LRP1B: variants seen among roughly 807,000 people sequenced by gnomAD.
The protein encoded by LRP1B is LDL receptor related protein 1B, also known as low-density lipoprotein receptor-related protein 1B.
Under a neutral mutation model 556.6 loss-of-function variants are expected in LRP1B, and 217 were observed. The ratio of observed to expected loss-of-function variants is 0.39; its 90% CI spans 0.35 to 0.44. LRP1B has a LOEUF of 0.44. LRP1B is among the 20% of genes least tolerant of loss of function. The probability of loss-of-function intolerance (pLI) is 1.00; values close to 1 mark genes in which losing one functional copy is unlikely to be tolerated. For missense variants in LRP1B, 5,053 were observed against 5,620.8 expected (o/e 0.90, Z 3.23); for synonymous variants, 2,047 against 1,865.8 (o/e 1.10, Z -2.50).
chr2:141,857,090 A>G (rs1698076955), intron 1 of LRP1B, among the ~76,000 whole-genome samples: 1 of 152,098 alleles, frequency 6.6e-6, no homozygotes, highest in African/African-American at 2.4e-5. Context: ...GGCCTGTTGT[A>G]TAATAGCCAT....
chr2:142,130,785 C>G lies in LRP1B; in HGVS notation c.-56G>C. 6.9e-7 allele frequency: 1 copy of G among 1,458,626 alleles called. No homozygotes were observed. The allele number at this position is 1,458,626 out of a possible 1,614,324, so 90.4% of individuals were successfully genotyped here. ...GAGACTGCTCGGCGGCACCTTCGGC[C>G]CGGCGGCGGCGGCGGCGGCAGGGGC... is the stretch of plus-strand genomic sequence containing the variant. On this transcript the variant is annotated 5_prime_UTR_variant, in exon 1 of 91. Coordinates refer to ENST00000389484, the MANE Select transcript of LRP1B (RefSeq NM_018557.3).
At chr2:141,522,855 C>G (rs187782862) in intron 2 of LRP1B, among the ~76,000 whole-genome samples, 32 of 152,258 alleles carry the variant, frequency 2.1e-4, no homozygotes, top group African/African-American at 7.0e-4. Context: ...GTGAGCAATA[C>G]CACTTGAGCA....
intron 6 of LRP1B, among the ~76,000 whole-genome samples, chr2:141,222,612 T>C (rs1364338431): frequency 6.6e-6 from 1 of 151,978 alleles, no homozygotes; most frequent in Non-Finnish European, 1.5e-5. Flanking sequence ...CCAATGAACA[T>C]CAATGCAAAA....
chr2:141,244,281 T>C (rs1683990572), intron 5 of LRP1B, among the ~76,000 whole-genome samples: 1 of 152,214 alleles, frequency 6.6e-6, no homozygotes, highest in African/African-American at 2.4e-5. Flanking sequence ...TTGATATTTT[T>C]ATAGTATCCT....
chr2:141,622,288 A>G (rs543767470), intron 2 of LRP1B, among the ~76,000 whole-genome samples: 1 of 152,330 alleles, frequency 6.6e-6, no homozygotes, highest in African/African-American at 2.4e-5. Context: ...AAAATTCTAC[A>G]TTATACAATT....
At chr2:141,314,895 CAT>C (rs751592864) in intron 3 of LRP1B, among the ~76,000 whole-genome samples, 1,687 of 133,090 alleles carry the variant, frequency 0.013, 19 homozygotes, top group African/African-American at 0.029. Context: ...TACATATATA[CAT>C]ATATATATAT....
intron 7 of LRP1B, among the ~76,000 whole-genome samples, chr2:141,066,367 C>T (rs1396310482): frequency 6.6e-6 from 1 of 151,854 alleles, no homozygotes; most frequent in African/African-American, 2.4e-5. Flanking sequence ...TAAGAAACTT[C>T]GAGTATTATT....
chr2:141,584,544 A>T (rs1040933138), intron 2 of LRP1B, among the ~76,000 whole-genome samples: 15 of 152,220 alleles, frequency 9.9e-5, no homozygotes, highest in Non-Finnish European at 1.3e-4. Flanking sequence ...ACAACTTTTA[A>T]TATTTATGAT....
chr2:141,684,608 G>GA (rs571227186), intron 2 of LRP1B, among the ~76,000 whole-genome samples: 1,647 of 150,770 alleles, frequency 0.011, 18 homozygotes, highest in South Asian at 0.025. Context: ...TAAAAAAAAA[G>GA]AAAAAAAAAT....
At chr2:140,511,145 T>C (rs1024460712) in intron 51 of LRP1B, among the ~76,000 whole-genome samples, 2 of 152,098 alleles carry the variant, frequency 1.3e-5, no homozygotes, top group African/African-American at 2.4e-5. Context: ...TTTCTAACAA[T>C]TGAAAGCAGT....
At chr2:141,256,990 C>T (rs1323273464) in intron 3 of LRP1B, among the ~76,000 whole-genome samples, 1 of 151,840 alleles carries the variant, frequency 6.6e-6, no homozygotes, top group African/African-American at 2.4e-5. Flanking sequence ...AGAACTACCA[C>T]CAAGAAAAAC....
At chr2:141,373,847 T>G (rs1188664820) in intron 3 of LRP1B, among the ~76,000 whole-genome samples, 1 of 152,078 alleles carries the variant, frequency 6.6e-6, no homozygotes, top group Admixed American at 6.6e-5. Context: ...TTTCCTTCCT[T>G]TTCTCTTTGT....
intron 1 of LRP1B, among the ~76,000 whole-genome samples, chr2:141,915,275 G>A (rs1456211625): frequency 6.6e-6 from 1 of 152,120 alleles, no homozygotes; most frequent in Non-Finnish European, 1.5e-5. Context: ...CAATTGTTTT[G>A]GGATAGCTGG....
chr2:140,454,985 A>G (rs961566418), intron 62 of LRP1B, among the ~76,000 whole-genome samples: 16 of 152,194 alleles, frequency 1.1e-4, no homozygotes, highest in Admixed American at 6.6e-5. Flanking sequence ...GCAGACTGAT[A>G]TATGTATGAT....
At position 140,853,704 on chromosome 2, in the gene LRP1B, G is replaced by C. The variant is rs1050265556; in HGVS notation, c.4580-1921C>G. On this transcript the variant is annotated intron_variant, in intron 27 of 90. Coordinates refer to ENST00000389484, the MANE Select transcript of LRP1B (RefSeq NM_018557.3). ...TTAAAAACAATAAATAAATAAAGGA[G>C]AATAAGAGACTCACAAAAAACTCAT... Among the ~76,000 whole-genome samples, 3 of 125,856 alleles carry C rather than the reference G, an allele frequency of 2.4e-5. No homozygotes were observed. In the Admixed American group the frequency reaches 2.4e-4, roughly 10 times the overall value. The allele number at this position is 125,856 out of a possible 152,430, so 82.6% of individuals were successfully genotyped here.
At chr2:142,110,370 C>T (rs986313528) in intron 1 of LRP1B, among the ~76,000 whole-genome samples, 1 of 151,908 alleles carries the variant, frequency 6.6e-6, no homozygotes, top group Non-Finnish European at 1.5e-5. Context: ...AATAATACTA[C>T]CAAGATCAGA....
chr2:142,128,491 A>G (rs1707736128), intron 1 of LRP1B, among the ~76,000 whole-genome samples: 1 of 152,182 alleles, frequency 6.6e-6, no homozygotes, highest in South Asian at 2.1e-4. Flanking sequence ...TTAGTGAGGG[A>G]AGCTTGTCAT....
At chr2:141,400,600 G>A (rs939382038) in intron 3 of LRP1B, among the ~76,000 whole-genome samples, 3 of 152,076 alleles carry the variant, frequency 2.0e-5, no homozygotes, top group African/African-American at 7.2e-5. Context: ...AAATACTGCC[G>A]TGGATCATTA....
chr2:141,276,645 T>C (rs1402695574), intron 3 of LRP1B, among the ~76,000 whole-genome samples: 1 of 129,184 alleles, frequency 7.7e-6, no homozygotes, highest in Non-Finnish European at 1.6e-5. Context: ...TTTTTTTCTT[T>C]CTTTCTTTCT....
Sources: gnomAD v4.1 joint callset for allele counts (sites outside exome capture counted in the v4.1 genomes callset) on GRCh38, gnomAD v4.1.1 for gene constraint, MANE v1.5 for transcripts, NCBI Gene and HGNC (gene_info 2026-07-23, HGNC 2026-07-21) for gene names.